Variants in ALOX12 observed in about 807,000 individuals in gnomAD.
The protein encoded by ALOX12 is polyunsaturated fatty acid lipoxygenase ALOX12.
In ALOX12, 62 loss-of-function variants were observed where a neutral mutation model predicts 85.5. That is an observed-to-expected ratio of 0.73 (90% CI 0.59 to 0.90). ALOX12 has a LOEUF of 0.90. ALOX12 is among the 40% of genes least tolerant of loss of function. The pLI is 0.00. For synonymous variants in ALOX12, 299 were observed against 332.7 expected (o/e 0.90, Z 1.10); for missense variants, 751 against 856.5 (o/e 0.88, Z 1.54).
intron 11 of ALOX12, among the ~76,000 whole-genome samples, chr17:7,007,568 C>T (rs995698799): frequency 6.6e-6 from 1 of 152,202 alleles, no homozygotes; most frequent in Middle Eastern, 3.2e-3. Context: ...GTCCCTTAGG[C>T]TCCTAGCAGT....
rs201453162 is a variant in ALOX12, at chr17:7,005,963, C to G, written c.1354C>G (p.Leu452Val). 6.2e-7 allele frequency: 1 copy of G among 1,610,958 alleles called. No homozygotes were observed. The highest frequency in any genetic ancestry group is 1.7e-5 in the Admixed American group (1 of 59,502). Residue 452 changes from leucine to valine, a missense_variant, in exon 10 of 14, where the codon CTG becomes GTG. Transcript: ENST00000251535. ...CPPDDLADRG[L>V]LGLPGALYAH... ...TCCTGACGACCTGGCTGACCGGGGC[C>G]TGCTGGGACTCCCAGGTGCTCTCTA...
In ALOX12 at chr17:7,005,877, G is replaced by A. The variant is rs1396072068; in HGVS notation, c.1268G>A (p.Gly423Glu). 1 of 1,612,634 alleles carries A rather than the reference G, an allele frequency of 6.2e-7. No individual in the cohort carries two copies. Among genetic ancestry groups the A allele is most frequent in the Non-Finnish European group, 8.5e-7 (1 of 1,179,858 alleles). ...IFDKAVSTGG[G>E]GHVQLLRRAA... ...TCCCAGGCAGTGAGCACAGGTGGAG[G>A]GGGCCATGTACAGTTGCTCCGTCGG... is the stretch of plus-strand genomic sequence containing the variant. The change falls in exon 10 of 14, where the codon GGG (glycine) becomes GAG (glutamate). Residue 423 changes from glycine to glutamate, a missense_variant. Transcript: ENST00000251535.
intron 7 of ALOX12, 134 bp from the exon 8 acceptor site, chr17:7,001,468 G>C: frequency 4.3e-6 from 4 of 928,930 alleles, no homozygotes; most frequent in Non-Finnish European, 6.7e-6. Flanking sequence ...CAGGCTGGGA[G>C]GGTTCACAGT....
At position 7,006,649 on chromosome 17, in the gene ALOX12, C is replaced by A. The variant is rs569319687; in HGVS notation, c.1540+42C>A. 4 of 1,525,944 alleles carry A rather than the reference C, an allele frequency of 2.6e-6. No homozygotes were observed. In the South Asian group the frequency reaches 5.1e-5, roughly 20 times the overall value. The allele number at this position is 1,525,944 out of a possible 1,614,324, so 94.5% of individuals were successfully genotyped here. ...AGACAGAAGAAGCTCCTGGGAGACTCTGCCAGGGCGCCTTCCCAGCCCTGC... is the reference window on the plus strand; with the variant it reads ...AGACAGAAGAAGCTCCTGGGAGACTATGCCAGGGCGCCTTCCCAGCCCTGC... On this transcript the variant is annotated intron_variant, in intron 11 of 13. Coordinates refer to ENST00000251535, the MANE Select transcript of ALOX12 (RefSeq NM_000697.3).
In ALOX12 at chr17:6,996,266, G is replaced by A. The variant is rs1597848134; in HGVS notation, c.135+14G>A. ...GCGCGGGGCGAGGTCAGCGCGGGGA[G>A]CGAGGGGAGCTAGGGCAGCGGGGAC... On this transcript the variant is annotated intron_variant, in intron 1 of 13. Transcript: ENST00000251535. 8.1e-7 allele frequency: 1 copy of A among 1,231,544 alleles called. No homozygotes were observed. Among genetic ancestry groups the A allele is most frequent in the Non-Finnish European group, 1.0e-6 (1 of 983,098 alleles). 76.3% of individuals were successfully genotyped at this position (1,231,544 alleles called of 1,614,324 possible).
rs746746196 is a variant in ALOX12 at position 6,996,882 on chromosome 17, G to C, written c.192G>C (p.Arg64Ser). ...AEDLGLLQFV[R>S]LRKHHWLVDD... ...ACTTGGGGCTCCTGCAGTTCGTGAG[G>C]CTGCGCAAGCACCACTGGCTGGTGG... Residue 64 changes from arginine to serine, a missense_variant, in exon 2 of 14, where the codon AGG becomes AGC. Arg to Ser is a moderately radical substitution (Grantham distance 110). Transcript: ENST00000251535. 8 of 1,613,912 alleles carry C rather than the reference G, an allele frequency of 5.0e-6. No homozygotes were observed. The highest frequency in any genetic ancestry group is 6.8e-6 in the Non-Finnish European group (8 of 1,179,910).
At position 7,000,494 on chromosome 17, in the gene ALOX12, C is replaced by A; in HGVS notation, c.951+15C>A. The A allele has an allele frequency of 6.2e-7, 1 of 1,612,972 alleles. No homozygotes were observed. Among genetic ancestry groups the A allele is most frequent in the South Asian group, 1.1e-5 (1 of 91,012 alleles). On this transcript the variant is annotated intron_variant, in intron 7 of 13. Coordinates refer to ENST00000251535, the MANE Select transcript of ALOX12 (RefSeq NM_000697.3). The surrounding 1 kb of genome is among the most constrained non-coding windows in gnomAD (Gnocchi z 4.6). ...TGGTCATCCAGGTAAGGGCCCCAGA[C>A]CTCTCCCACAACGTTGCACTCTGTT...
chr17:6,997,707 C>T (rs549613692), intron 2 of ALOX12, among the ~76,000 whole-genome samples: 2 of 151,632 alleles, frequency 1.3e-5, no homozygotes, highest in African/African-American at 4.8e-5. Context: ...ACAGGCACCC[C>T]CCACCACACC....
At chr17:7,003,184 C>T (rs1908794870) in intron 8 of ALOX12, among the ~76,000 whole-genome samples, 1 of 152,330 alleles carries the variant, frequency 6.6e-6, no homozygotes, top group East Asian at 1.9e-4. Context: ...TCTCCACTCA[C>T]CACAGTAATG....
In ALOX12 at chr17:7,001,723, A is replaced by C. The variant is rs1207958649; in HGVS notation, c.1073A>C (p.Gln358Pro). 1.9e-6 allele frequency: 3 copies of C among 1,614,132 alleles called. No individual in the cohort carries two copies. The highest frequency in any genetic ancestry group is 1.1e-5 in the South Asian group (1 of 91,080). Residue 358 changes from glutamine to proline, a missense_variant, in exon 8 of 14, where the codon CAG (glutamine) becomes CCG (proline). Transcript: ENST00000251535. ...TCAGATTTCCAACTGCACGAGATCCAGTATCACTTGCTGAACACTCACCTG... is the reference window on the plus strand; with the variant it reads ...TCAGATTTCCAACTGCACGAGATCCCGTATCACTTGCTGAACACTCACCTG... ...RNSDFQLHEI[Q>P]YHLLNTHLVA...
chr17:6,998,479 G>A (rs201487507), intron 2 of ALOX12, 30 bp from the exon 3 acceptor site: 21 of 1,511,426 alleles, frequency 1.4e-5, no homozygotes, highest in Middle Eastern at 1.7e-4. Flanking sequence ...AGACAGAGCC[G>A]TGAGGCCAAT....
At position 7,005,357 on chromosome 17, in the gene ALOX12, G is replaced by A. The variant is rs749454051; in HGVS notation, c.1248+14G>A. On this transcript the variant is annotated intron_variant, in intron 9 of 13. Transcript: ENST00000251535. The stretch of plus-strand genomic sequence containing the variant: ...ATTTTTGATAAGGTGAGGAGGGTAC[G>A]GGGCATGGGACTGCCTCATCCATCT... 2.4e-5 allele frequency: 39 copies of A among 1,599,960 alleles called. No individual in the cohort carries two copies. The highest frequency in any genetic ancestry group is 2.9e-5 in the Non-Finnish European group (34 of 1,167,360).
intron 2 of ALOX12, among the ~76,000 whole-genome samples, chr17:6,997,361 T>A (rs1189612199): frequency 6.7e-6 from 1 of 150,326 alleles, no homozygotes; most frequent in Non-Finnish European, 1.5e-5. Flanking sequence ...GATGTAAAGG[T>A]GACTCAGAAG....
intron 1 of ALOX12, 119 bp downstream of exon 1, chr17:6,996,371 G>A: frequency 1.8e-6 from 2 of 1,111,544 alleles, no homozygotes; most frequent in African/African-American, 1.6e-5. Flanking sequence ...GCGACCTCGC[G>A]GACTGGGACT....
At chr17:7,009,284 C>T (rs1909265445) in intron 11 of ALOX12, among the ~76,000 whole-genome samples, 1 of 152,132 alleles carries the variant, frequency 6.6e-6, no homozygotes, top group Non-Finnish European at 1.5e-5. Flanking sequence ...TGGTCTCGAT[C>T]TCCTGACCTC....
chr17:7,006,709 C>T, intron 11 of ALOX12, 102 bp downstream of exon 11: 1 of 1,409,816 alleles, frequency 7.1e-7, no homozygotes, highest in Non-Finnish European at 9.5e-7. Context: ...TCTCATCACG[C>T]CTCCCTTCCT....
At position 7,003,316 on chromosome 17, in the gene ALOX12, C is replaced by T. The variant is rs186670091; in HGVS notation, c.1161+1505C>T. Among the ~76,000 whole-genome samples, 50 of 152,292 alleles carry T rather than the reference C, an allele frequency of 3.3e-4. 1 individual carries two copies. In the South Asian group the frequency reaches 9.1e-3, roughly 28 times the overall value. On this transcript the variant is annotated intron_variant, in intron 8 of 13. Transcript: ENST00000251535. ...TTGCTGGGGTCTTAGTCCTGAACCCCGGCCTCAATAATTTCCAGATGTCCT... is the reference window on the plus strand; with the variant it reads ...TTGCTGGGGTCTTAGTCCTGAACCCTGGCCTCAATAATTTCCAGATGTCCT...
chr17:6,996,148 G>A lies in ALOX12; in HGVS notation c.31G>A (p.Gly11Arg). The change falls in exon 1 of 14, where the codon GGG (glycine) becomes AGG (arginine). Residue 11 changes from glycine to arginine, a missense_variant. Coordinates refer to ENST00000251535, the MANE Select transcript of ALOX12 (RefSeq NM_000697.3). ...CCGCTACCGCATCCGCGTGGCCACCGGGGCCTGGCTCTTCTCCGGGTCGTA... is the reference window on the plus strand; with the variant it reads ...CCGCTACCGCATCCGCGTGGCCACCAGGGCCTGGCTCTTCTCCGGGTCGTA... MGRYRIRVATGAWLFSGSYNR... is the reference protein window; with the variant it reads MGRYRIRVATRAWLFSGSYNR... The A allele has an allele frequency of 1.6e-6, 2 of 1,252,858 alleles. No homozygotes were observed. Among genetic ancestry groups the A allele is most frequent in the Middle Eastern group, 2.5e-4 (1 of 4,040 alleles). The allele number at this position is 1,252,858 out of a possible 1,614,324, so 77.6% of individuals were successfully genotyped here. A position where few individuals can be genotyped will look rare whatever the true frequency, so the allele number is the denominator to read the frequency against.
intron 2 of ALOX12, among the ~76,000 whole-genome samples, chr17:6,997,555 A>ATT (rs56091558): frequency 3.8e-5 from 4 of 104,328 alleles, no homozygotes; most frequent in African/African-American, 1.0e-4. Flanking sequence ...CAAATAGTGA[A>ATT]TTTTTTTTTT....
Sources: gnomAD v4.1 joint callset for allele counts (sites outside exome capture counted in the v4.1 genomes callset) on GRCh38, gnomAD v4.1.1 for gene constraint, Gnocchi (gnomAD v3.1) non-coding constraint, MANE v1.5 for transcripts, NCBI Gene and HGNC (gene_info 2026-07-23, HGNC 2026-07-21) for gene names.